The following MNDA variants were observed in gnomAD, a reference collection of about 807,000 sequenced individuals.
MNDA encodes myeloid cell nuclear differentiation antigen.
Under a neutral mutation model 37.8 loss-of-function variants are expected in MNDA, and 43 were observed. That is an observed-to-expected ratio of 1.14 (90% confidence interval 0.89 to 1.47). The LOEUF (loss-of-function observed/expected upper bound fraction) is 1.47. Ranked by LOEUF, MNDA falls within the 40% of genes most tolerant of loss-of-function variation. The pLI is 0.00. For synonymous variants in MNDA, 181 were observed against 169.0 expected (o/e 1.07, Z -0.55); for missense variants, 536 against 476.0 (o/e 1.13, Z -1.17).
chr1:158,838,981 AT>A (rs1405466482), intron 1 of MNDA, among the ~76,000 whole-genome samples: 1 of 151,792 alleles, frequency 6.6e-6, no homozygotes, highest in African/African-American at 2.4e-5. Flanking sequence ...CATTTTCCTG[AT>A]TTTATTTAGT....
At chr1:158,832,682 T>C (rs1423820511) in intron 1 of MNDA, among the ~76,000 whole-genome samples, 3 of 151,850 alleles carry the variant, frequency 2.0e-5, no homozygotes, top group Admixed American at 1.3e-4. Flanking sequence ...CTGATACTTA[T>C]TGACTTAAGC....
chr1:158,841,374 C>A (rs1659025159), intron 1 of MNDA, among the ~76,000 whole-genome samples: 1 of 152,066 alleles, frequency 6.6e-6, no homozygotes, highest in South Asian at 2.1e-4. Flanking sequence ...ATGTCTTTAT[C>A]CATAAAGAAA....
intron 1 of MNDA, among the ~76,000 whole-genome samples, chr1:158,840,966 C>G (rs946019874): frequency 2.0e-5 from 3 of 152,016 alleles, no homozygotes; most frequent in Non-Finnish European, 4.4e-5. Flanking sequence ...TAAAGGAATA[C>G]CTATAAATTT....
At chr1:158,840,821 T>C (rs1027119917) in intron 1 of MNDA, among the ~76,000 whole-genome samples, 2 of 152,188 alleles carry the variant, frequency 1.3e-5, no homozygotes, top group Non-Finnish European at 2.9e-5. Context: ...TATGTGCCCA[T>C]GTGTGAAATT....
chr1:158,842,178 C>G lies in MNDA; in HGVS notation c.25C>G (p.Leu9Val). Reference sequence around the variant, plus strand: ...AATGGTGAATGAATACAAGAAAATTCTTTTGCTGAAAGGATTTGAGCTCAT... The same window carrying G: ...AATGGTGAATGAATACAAGAAAATTGTTTTGCTGAAAGGATTTGAGCTCAT... MVNEYKKI[L>V]LLKGFELMDD... is the part of the protein sequence containing the mutation. Residue 9 changes from leucine to valine, a missense_variant, in exon 2 of 7, where the codon CTT (leucine) becomes GTT (valine). Leu to Val is a conservative substitution (Grantham distance 32). Coordinates refer to ENST00000368141, the MANE Select transcript of MNDA (RefSeq NM_002432.3). 1 of 1,610,976 alleles carries G rather than the reference C, an allele frequency of 6.2e-7. No homozygotes were observed. The highest frequency in any genetic ancestry group is 8.5e-7 in the Non-Finnish European group (1 of 1,178,706).
In MNDA at chr1:158,843,257, C is replaced by T. The variant is rs751092657; in HGVS notation, c.266-22C>T. ...CTATTCCACTCTAGGCCTATTGTGCCCTTTTTCTTTTCTTTTGTCAGTTGC... is the reference window on the plus strand; with the variant it reads ...CTATTCCACTCTAGGCCTATTGTGCTCTTTTTCTTTTCTTTTGTCAGTTGC... On this transcript the variant is annotated intron_variant, in intron 2 of 6. Transcript: ENST00000368141. 3.1e-6 allele frequency: 5 copies of T among 1,598,090 alleles called. No individual in the cohort carries two copies. The East Asian group carries it at 1.1e-4, about 36-fold the overall frequency.
At chr1:158,834,120 TG>T (rs1658860197) in intron 1 of MNDA, among the ~76,000 whole-genome samples, 1 of 152,200 alleles carries the variant, frequency 6.6e-6, no homozygotes, top group African/African-American at 2.4e-5. Flanking sequence ...GTGGTTTTTA[TG>T]GGTTTGATTT....
intron 6 of MNDA, among the ~76,000 whole-genome samples, chr1:158,848,509 G>A (rs1243527019): frequency 6.6e-6 from 1 of 152,030 alleles, no homozygotes; most frequent in Non-Finnish European, 1.5e-5. Context: ...GCAGAAGACT[G>A]TGGGACCCAA....
chr1:158,848,292 T>G (rs983926974), intron 6 of MNDA, among the ~76,000 whole-genome samples: 3 of 152,190 alleles, frequency 2.0e-5, no homozygotes, highest in African/African-American at 7.2e-5. Flanking sequence ...AGTCTCCACT[T>G]CATTGGGATG....
intron 2 of MNDA, 98 bp downstream of exon 2, chr1:158,842,516 A>G (rs902391529): frequency 3.8e-6 from 5 of 1,317,628 alleles, no homozygotes; most frequent in African/African-American, 3.0e-5. Flanking sequence ...CCCTTTTCCA[A>G]TTTATAACTC....
intron 1 of MNDA, among the ~76,000 whole-genome samples, chr1:158,840,130 G>A (rs566846995): frequency 6.6e-6 from 1 of 152,162 alleles, no homozygotes; most frequent in East Asian, 1.9e-4. Flanking sequence ...CCCAGTAGAG[G>A]TAATATCAAC....
intron 3 of MNDA, 32 bp from the exon 4 acceptor site, chr1:158,843,923 C>T (rs1659081882): frequency 6.5e-7 from 1 of 1,538,086 alleles, no homozygotes; most frequent in Admixed American, 2.2e-5. Context: ...TGATACTAAA[C>T]TCCATTAACA....
chr1:158,839,073 G>A (rs1658980181), intron 1 of MNDA, among the ~76,000 whole-genome samples: 1 of 152,084 alleles, frequency 6.6e-6, no homozygotes, highest in African/African-American at 2.4e-5. Context: ...TCTGAGGGCT[G>A]TGTTTCTTTA....
At chr1:158,847,635 G>A (rs928558914) in intron 5 of MNDA, 93 bp from the exon 6 acceptor site, 61 of 1,197,956 alleles carry the variant, frequency 5.1e-5, no homozygotes, top group Non-Finnish European at 5.9e-5. Context: ...CATTCCTGTC[G>A]TGCATATTGC....
chr1:158,831,661 A>C (rs1257471366), intron 1 of MNDA, 104 bp downstream of exon 1: 1 of 152,214 alleles, frequency 6.6e-6, no homozygotes, highest in Non-Finnish European at 1.5e-5. Context: ...TGTTGTTATC[A>C]ATCATATTCA....
intron 3 of MNDA, 60 bp downstream of exon 3, chr1:158,843,475 G>A (rs1368467828): frequency 7.7e-5 from 114 of 1,471,992 alleles, no homozygotes; most frequent in South Asian, 3.9e-4. Flanking sequence ...GCTATGGCAC[G>A]TGGCTCTTTA....
chr1:158,836,903 G>T (rs1658926831), intron 1 of MNDA, among the ~76,000 whole-genome samples: 1 of 151,632 alleles, frequency 6.6e-6, no homozygotes, highest in Non-Finnish European at 1.5e-5. Context: ...ATGATATGTT[G>T]TGTTTCTATA....
chr1:158,848,042 T>C lies in MNDA; in HGVS notation c.1176+126T>C, dbSNP rs531670066. On this transcript the variant is annotated intron_variant, in intron 6 of 6. Transcript: ENST00000368141. ...GCGAGTGGAAGGAGAACCTAAACAA[T>C]GCCCTTGCATTTGTAACTGGAAGAT... 26 of 814,186 alleles carry C rather than the reference T, an allele frequency of 3.2e-5. No homozygotes were observed. The South Asian group carries it at 4.3e-4, about 14-fold the overall frequency. The allele number at this position is 814,186 out of a possible 1,614,324, so 50.4% of individuals were successfully genotyped here.
chr1:158,849,034 T>G (rs1659197993), intron 6 of MNDA, among the ~76,000 whole-genome samples, 156 bp from the exon 7 acceptor site: 1 of 152,140 alleles, frequency 6.6e-6, no homozygotes, highest in Admixed American at 6.6e-5. Flanking sequence ...TGAAGGTAGA[T>G]CTTCATAACT....
Sources: allele counts gnomAD v4.1 joint callset (sites outside exome capture counted in the v4.1 genomes callset), GRCh38; gene constraint gnomAD v4.1.1; transcripts MANE v1.5; gene names NCBI Gene and HGNC (gene_info 2026-07-23, HGNC 2026-07-21).